The following NFIL3 variants were observed in gnomAD, a reference collection of about 807,000 sequenced individuals.
NFIL3 encodes nuclear factor, interleukin 3 regulated, also known as nuclear factor interleukin-3-regulated protein.
A neutral mutation model predicts 10.0 loss-of-function variants in NFIL3; 5 were observed. The ratio of observed to expected loss-of-function variants is 0.50; its 90% CI spans 0.26 to 1.06. The LOEUF (loss-of-function observed/expected upper bound fraction) is 1.06. Among genes scored for constraint, NFIL3 ranks in the 50% least tolerant of loss-of-function variants. NFIL3 has a pLI of 0.13. For missense variants in NFIL3, 436 were observed against 547.6 expected (o/e 0.80, Z 2.03); for synonymous variants, 202 against 206.5 (o/e 0.98, Z 0.19).
At chr9:91,440,095 G>A in the NFIL3 span, among the ~76,000 whole-genome samples, 1 of 152,120 alleles carries the variant, frequency 6.6e-6, no homozygotes, top group Non-Finnish European at 1.5e-5. Flanking sequence ...ATTGGTATTA[G>A]TTCCTCTTTG....
intron 1 of NFIL3, among the ~76,000 whole-genome samples, chr9:91,413,109 G>T (rs1833586633): frequency 6.6e-6 from 1 of 152,148 alleles, no homozygotes; most frequent in Admixed American, 6.5e-5. Flanking sequence ...GTAACTCAGA[G>T]AAATTTGTGA....
chr9:91,442,341 C>T, the NFIL3 span, among the ~76,000 whole-genome samples: 4 of 152,140 alleles, frequency 2.6e-5, no homozygotes, highest in African/African-American at 7.2e-5. Context: ...ATACATGGCA[C>T]GATGCTTTTC....
At chr9:91,459,786 T>C in the NFIL3 span, among the ~76,000 whole-genome samples, 1 of 152,206 alleles carries the variant, frequency 6.6e-6, no homozygotes, top group Non-Finnish European at 1.5e-5. Flanking sequence ...TGATTTTTAT[T>C]AATATTTGCA....
the NFIL3 span, among the ~76,000 whole-genome samples, chr9:91,432,663 G>GT: frequency 0.58 from 87,075 of 151,078 alleles, 28,924 homozygotes; most frequent in Non-Finnish European, 0.73. Flanking sequence ...AGTTGTTTAG[G>GT]TTTTTTTTTG....
At chr9:91,432,882 G>C in the NFIL3 span, among the ~76,000 whole-genome samples, 21 of 152,156 alleles carry the variant, frequency 1.4e-4, no homozygotes, top group African/African-American at 5.1e-4. Context: ...GACTAGGAAA[G>C]AAAACTTTCT....
At chr9:91,431,216 CT>C in the NFIL3 span, among the ~76,000 whole-genome samples, 2 of 152,054 alleles carry the variant, frequency 1.3e-5, no homozygotes, top group Non-Finnish European at 2.9e-5. Context: ...GTTTTAAATG[CT>C]TTTTTTCCCC....
chr9:91,443,971 T>C, the NFIL3 span, among the ~76,000 whole-genome samples: 1 of 152,228 alleles, frequency 6.6e-6, no homozygotes, highest in Non-Finnish European at 1.5e-5. Context: ...ATTAATATCT[T>C]TCTCAAGACA....
the NFIL3 span, among the ~76,000 whole-genome samples, chr9:91,473,059 A>C: frequency 6.6e-6 from 1 of 151,972 alleles, no homozygotes; most frequent in Non-Finnish European, 1.5e-5. Flanking sequence ...AAATATTGCC[A>C]CCTGATCCTT....
In NFIL3 at chr9:91,410,584, T is replaced by G. The variant is rs1269389754; in HGVS notation, c.151A>C (p.Ser51Arg). ...GCAGAAGATTTGTTCTTCCCCACAC[T>G]TCCTTCACTGAGAAGCAGCTCCTCA... ...TGEELLLSEG[S>R]VGKNKSSACR... The change falls in exon 2 of 2, where the codon AGT (serine) becomes CGT (arginine). Residue 51 changes from serine to arginine, a missense_variant. Physicochemically the swap from Ser to Arg is moderately radical, Grantham distance 110. This residue lies in a region of NFIL3 where 76 missense variants were observed against 73.0 expected (regional missense o/e 1.04). Transcript: ENST00000297689. This position sits in a 1 kb window ranked among gnomAD's most constrained non-coding sequence, Gnocchi z 5.7. The G allele has an allele frequency of 6.2e-7, 1 of 1,614,224 alleles. No individual in the cohort carries two copies. The highest frequency in any genetic ancestry group is 2.2e-5 in the East Asian group (1 of 44,886).
Position 91,409,393 on chromosome 9 carries a change from T to A in NFIL3, c.1342A>T (p.Lys448Ter). The A allele has an allele frequency of 6.2e-7, 1 of 1,607,626 alleles. No individual in the cohort carries two copies. The highest frequency in any genetic ancestry group is 8.5e-7 in the Non-Finnish European group (1 of 1,177,148). Residue 448 changes from lysine (K) to a stop codon, truncating the protein, a stop_gained, in exon 2 of 2, where the codon AAG (lysine) becomes TAG (stop). Transcript: ENST00000297689. LOFTEE classifies it high-confidence loss of function. ...ANLSAEVVSL[K>*]RLIATQPISA... Reference sequence around the variant, plus strand: ...ATTGGTTGTGTGGCTATAAGTCTCTTGAGTGAGACAACCTCTGCAGATAAG... The same window carrying A: ...ATTGGTTGTGTGGCTATAAGTCTCTAGAGTGAGACAACCTCTGCAGATAAG...
chr9:91,449,941 TATTTCTAAAA>T, the NFIL3 span, among the ~76,000 whole-genome samples: 3 of 152,102 alleles, frequency 2.0e-5, no homozygotes, highest in African/African-American at 7.2e-5. Flanking sequence ...GTAATTTGTG[TATTTCTAAAA>T]GTTTGTCCAT....
At chr9:91,453,347 C>CCAACAT in the NFIL3 span, among the ~76,000 whole-genome samples, 1 of 151,942 alleles carries the variant, frequency 6.6e-6, no homozygotes, top group Non-Finnish European at 1.5e-5. Flanking sequence ...GTTTAGGACT[C>CCAACAT]CAACATAGAA....
At chr9:91,431,102 C>T in the NFIL3 span, among the ~76,000 whole-genome samples, 1 of 152,170 alleles carries the variant, frequency 6.6e-6, no homozygotes, top group Non-Finnish European at 1.5e-5. Flanking sequence ...CATGGGAGAG[C>T]AGTGTGGAAA....
chr9:91,431,252 T>C, the NFIL3 span, among the ~76,000 whole-genome samples: 1 of 152,130 alleles, frequency 6.6e-6, no homozygotes, highest in African/African-American at 2.4e-5. Flanking sequence ...TAAGAATTAG[T>C]GTAGGGAAAT....
the NFIL3 span, among the ~76,000 whole-genome samples, chr9:91,442,988 A>C: frequency 2.0e-5 from 3 of 152,294 alleles, no homozygotes; most frequent in East Asian, 1.9e-4. Context: ...GTATGTGGAC[A>C]ACTGGCAGGT....
chr9:91,418,252 A>T (rs1033695907), intron 1 of NFIL3, among the ~76,000 whole-genome samples: 11 of 152,224 alleles, frequency 7.2e-5, no homozygotes, highest in African/African-American at 1.7e-4. Context: ...ATAATTTTTT[A>T]AAAATCTATA....
chr9:91,410,688 A>G lies in NFIL3; in HGVS notation c.47T>C (p.Leu16Pro). 2 of 1,609,148 alleles carry G rather than the reference A, an allele frequency of 1.2e-6. No individual in the cohort carries two copies. Among genetic ancestry groups the G allele is most frequent in the South Asian group, 2.2e-5 (2 of 89,816 alleles). ...CTTGTCCACATTGCTACTGGCATCAAGAGACGCCTGCTCCTTTTTGACGGT... is the reference window on the plus strand; with the variant it reads ...CTTGTCCACATTGCTACTGGCATCAGGAGACGCCTGCTCCTTTTTGACGGT... ...MQTVKKEQAS[L>P]DASSNVDKMM... Residue 16 changes from leucine (L) to proline (P), a missense_variant, in exon 2 of 2, where the codon CTT becomes CCT. By Grantham distance (98) the Leu-to-Pro change is moderately conservative (BLOSUM62 -3). Transcript: ENST00000297689. This position sits in a 1 kb window ranked among gnomAD's most constrained non-coding sequence, Gnocchi z 5.7.
the NFIL3 span, among the ~76,000 whole-genome samples, chr9:91,438,123 C>T: frequency 6.6e-6 from 1 of 152,166 alleles, no homozygotes. Flanking sequence ...TACATTTCCA[C>T]CAGCACTATG....
the NFIL3 span, among the ~76,000 whole-genome samples, chr9:91,441,189 G>A: frequency 6.6e-6 from 1 of 152,094 alleles, no homozygotes; most frequent in Non-Finnish European, 1.5e-5. Flanking sequence ...GTACTCTGAT[G>A]TTGGGTGCAT....
Sources: allele counts gnomAD v4.1 joint callset (sites outside exome capture counted in the v4.1 genomes callset), GRCh38; gene constraint gnomAD v4.1.1; regional missense constraint gnomAD v4.1.1; non-coding constraint Gnocchi (gnomAD v3.1); transcripts MANE v1.5; gene names NCBI Gene and HGNC (gene_info 2026-07-23, HGNC 2026-07-21).